ANKRD31: variants seen among roughly 807,000 people sequenced by gnomAD.
ANKRD31 encodes the protein ankyrin repeat domain-containing protein 31.
ANKRD31 carries 147 observed loss-of-function variants against 186.0 expected under a neutral mutation model. The ratio of observed to expected loss-of-function variants is 0.79; its 90% confidence interval spans 0.69 to 0.91. The LOEUF (loss-of-function observed/expected upper bound fraction) is 0.91. Ranked by LOEUF, ANKRD31 falls within the 40% of genes least tolerant of loss-of-function variation. ANKRD31 has a pLI of 0.00. For missense variants in ANKRD31, 1,986 were observed against 2,148.8 expected, an observed-to-expected ratio of 0.92 and a Z score of 1.50; for synonymous variants, 673 against 736.4, an observed-to-expected ratio of 0.91 and a Z score of 1.39.
At position 75,154,199 on chromosome 5, in the gene ANKRD31, A is replaced by G. The variant is rs1364431696; in HGVS notation, c.1852+2T>C. The G allele has an allele frequency of 6.6e-7, 1 of 1,513,450 alleles. No individual in the cohort carries two copies. Among genetic ancestry groups the G allele is most frequent in the Admixed American group, 2.1e-5 (1 of 48,484 alleles). 93.8% of individuals were successfully genotyped at this position (1,513,450 alleles called of 1,614,324 possible). On this transcript the variant is annotated splice_donor_variant, in intron 12 of 25. Coordinates refer to ENST00000506364, the MANE Select transcript of ANKRD31 (RefSeq NM_001372053.1). LOFTEE classifies it high-confidence loss of function. ...AGCTATTACAGGGCAGTTTAATCTT[A>G]CCTGATGTAAGGCATTTTTGATGTT...
chr5:75,190,080 T>C (rs942822220), intron 9 of ANKRD31, among the ~76,000 whole-genome samples: 3 of 151,778 alleles, frequency 2.0e-5, no homozygotes, highest in African/African-American at 7.3e-5. Flanking sequence ...AGTGCAGTGG[T>C]GCAATCACGG....
At chr5:75,169,379 C>T (rs1192245910) in intron 10 of ANKRD31, among the ~76,000 whole-genome samples, 2 of 152,116 alleles carry the variant, frequency 1.3e-5, no homozygotes, top group African/African-American at 4.8e-5. Flanking sequence ...GTAATCTTGA[C>T]CTCTCCAAAT....
rs1294796513 is a variant in ANKRD31 at position 75,146,058 on chromosome 5, T to C, written c.3353A>G (p.Asn1118Ser). 12 of 1,523,812 alleles carry C rather than the reference T, an allele frequency of 7.9e-6. No individual in the cohort carries two copies. Among genetic ancestry groups the C allele is most frequent in the Admixed American group, 4.2e-5 (2 of 47,244 alleles). 94.4% of individuals were successfully genotyped at this position (1,523,812 alleles called of 1,614,324 possible). A position where few individuals can be genotyped will look rare whatever the true frequency, so the allele number is the denominator to read the frequency against. Residue 1118 changes from asparagine (N) to serine (S), a missense_variant, in exon 14 of 26, where the codon AAT becomes AGT. Transcript: ENST00000506364. ...GATGTTGGCCAATTCTTTACTCATA[T>C]TGTCAGTGGAATGAGAATCTATATT... ...IHNIDSHSTD[N>S]MSKELANISK...
chr5:75,213,890 C>T (rs916475505), intron 3 of ANKRD31, among the ~76,000 whole-genome samples: 2 of 152,162 alleles, frequency 1.3e-5, no homozygotes, highest in African/African-American at 2.4e-5. Context: ...TCTGGCTTGC[C>T]GGATCAGCCC....
intron 4 of ANKRD31, among the ~76,000 whole-genome samples, chr5:75,207,047 T>C (rs1371170694): frequency 6.6e-6 from 1 of 152,198 alleles, no homozygotes; most frequent in Non-Finnish European, 1.5e-5. Context: ...TAAAAGCTGA[T>C]TAAAGAAAGG....
At chr5:75,185,873 A>T (rs1157239346) in intron 10 of ANKRD31, among the ~76,000 whole-genome samples, 2 of 151,948 alleles carry the variant, frequency 1.3e-5, no homozygotes, top group Non-Finnish European at 2.9e-5. Context: ...TGTATCCATT[A>T]AAAGTAAAAA....
In ANKRD31 at chr5:75,154,258, A is replaced by C. The variant is rs755607372; in HGVS notation, c.1795T>G (p.Cys599Gly). 1.3e-6 allele frequency: 2 copies of C among 1,535,450 alleles called. No homozygotes were observed. The highest frequency in any genetic ancestry group is 2.0e-5 in the Admixed American group (1 of 50,904). Reference sequence around the variant, plus strand: ...TATCTCTCAAGGAGACGCTTCATACATAAATCCTTGGCCTCATCCAAAGCA... The same window carrying C: ...TATCTCTCAAGGAGACGCTTCATACCTAAATCCTTGGCCTCATCCAAAGCA... ...KCALDEAKDL[C>G]MKRLLERYIP... is the part of the protein sequence containing the mutation. The change falls in exon 12 of 26, where the codon TGT (cysteine) becomes GGT (glycine). Residue 599 changes from cysteine (C) to glycine (G), a missense_variant. Coordinates refer to ENST00000506364, the MANE Select transcript of ANKRD31 (RefSeq NM_001372053.1).
At chr5:75,176,404 G>C (rs111626475) in intron 10 of ANKRD31, among the ~76,000 whole-genome samples, 68,948 of 151,660 alleles carry the variant, frequency 0.45, 17,282 homozygotes, top group African/African-American at 0.68. Context: ...CCAGCATGCA[G>C]CTTGAGATCT....
chr5:75,155,747 A>C (rs1405665785), intron 11 of ANKRD31, among the ~76,000 whole-genome samples: 1 of 152,138 alleles, frequency 6.6e-6, no homozygotes, highest in Non-Finnish European at 1.5e-5. Context: ...TTAAAAGCGT[A>C]TATATATTTC....
chr5:75,072,494 G>A (rs1339237041), intron 25 of ANKRD31, among the ~76,000 whole-genome samples: 1 of 152,154 alleles, frequency 6.6e-6, no homozygotes, highest in Non-Finnish European at 1.5e-5. Flanking sequence ...GAAAGACTTG[G>A]TGACTCTGTG....
At position 75,145,911 on chromosome 5, in the gene ANKRD31, C is replaced by G. The variant is rs1379650827; in HGVS notation, c.3424+76G>C. 3.2e-6 allele frequency: 4 copies of G among 1,265,454 alleles called. No individual in the cohort carries two copies. The Admixed American group carries it at 9.6e-5, about 30-fold the overall frequency. 78.4% of individuals were successfully genotyped at this position (1,265,454 alleles called of 1,614,324 possible). A position where few individuals can be genotyped will look rare whatever the true frequency, so the allele number is the denominator to read the frequency against. ...TCTCAGTTTGGCCATCGTTTGAATA[C>G]AATTCAGTTGGAAATTTCTATAAAA... On this transcript the variant is annotated intron_variant, in intron 14 of 25. Coordinates refer to ENST00000506364, the MANE Select transcript of ANKRD31 (RefSeq NM_001372053.1).
intron 6 of ANKRD31, among the ~76,000 whole-genome samples, chr5:75,198,171 A>G (rs920417706): frequency 1.3e-5 from 2 of 152,184 alleles, no homozygotes; most frequent in Non-Finnish European, 2.9e-5. Context: ...CTGCCAAGCC[A>G]ACATTCCTAA....
At chr5:75,199,547 T>G in intron 6 of ANKRD31, 84 bp downstream of exon 6, 58 of 1,141,258 alleles carry the variant, frequency 5.1e-5, no homozygotes, top group Non-Finnish European at 6.5e-5. Flanking sequence ...AGGGTCTAAA[T>G]GAGCTTGATA....
At chr5:75,075,673 C>A (rs1744580159) in intron 25 of ANKRD31, among the ~76,000 whole-genome samples, 1 of 152,138 alleles carries the variant, frequency 6.6e-6, no homozygotes, top group African/African-American at 2.4e-5. Flanking sequence ...TCCCACCAAG[C>A]TTTGGGCCAG....
At position 75,195,917 on chromosome 5, in the gene ANKRD31, C is replaced by T. The variant is rs111905256; in HGVS notation, c.731G>A (p.Ser244Asn). The T allele has an allele frequency of 5.0e-4, 771 of 1,535,998 alleles. 1 individual carries two copies. The African/African-American group carries it at 6.1e-3, about 12-fold the overall frequency. The change falls in exon 7 of 26, where the codon AGT (serine) becomes AAT (asparagine). Residue 244 changes from serine to asparagine, a missense_variant. Coordinates refer to ENST00000506364, the MANE Select transcript of ANKRD31 (RefSeq NM_001372053.1). ...CATCAATTCTTTACGATCAAAATCA[C>T]TTACTAATTCAAACAATCTTTCCTC... is the stretch of plus-strand genomic sequence containing the variant. Reference protein sequence around the residue: ...TQEERLFELVSDFDRKELMNP... With the variant: ...TQEERLFELVNDFDRKELMNP...
At chr5:75,157,369 C>T (rs1273020881) in intron 11 of ANKRD31, among the ~76,000 whole-genome samples, 1 of 152,096 alleles carries the variant, frequency 6.6e-6, no homozygotes, top group Non-Finnish European at 1.5e-5. Context: ...AAGTTAAGCA[C>T]TGAGAGTGCA....
At chr5:75,207,584 A>C (rs779638485) in intron 4 of ANKRD31, among the ~76,000 whole-genome samples, 1 of 152,160 alleles carries the variant, frequency 6.6e-6, no homozygotes, top group African/African-American at 2.4e-5. Flanking sequence ...ATCAAAATTC[A>C]CATTTTTAAA....
chr5:75,069,896 T>C (rs1744081162), intron 25 of ANKRD31, among the ~76,000 whole-genome samples: 2 of 152,122 alleles, frequency 1.3e-5, no homozygotes, highest in Admixed American at 1.3e-4. Context: ...CATGTAGCCC[T>C]GGGATGATGA....
chr5:75,191,006 T>C (rs1202980568), intron 9 of ANKRD31, among the ~76,000 whole-genome samples: 2 of 152,284 alleles, frequency 1.3e-5, no homozygotes, highest in African/African-American at 4.8e-5. Flanking sequence ...TATCATTCTT[T>C]AAAAGAATTT....
Sources: allele counts gnomAD v4.1 joint callset (sites outside exome capture counted in the v4.1 genomes callset), GRCh38; gene constraint gnomAD v4.1.1; transcripts MANE v1.5; gene names NCBI Gene and HGNC (gene_info 2026-07-23, HGNC 2026-07-21).